NUP155: variants seen among roughly 807,000 people sequenced by gnomAD.
NUP155 encodes the protein nucleoporin 155.
Under a neutral mutation model 180.4 loss-of-function variants are expected in NUP155, and 71 were observed. The observed-to-expected ratio is 0.39, with a 90% CI of 0.33 to 0.48. The LOEUF (loss-of-function observed/expected upper bound fraction) is 0.48. Ranked by LOEUF, NUP155 falls within the 20% of genes least tolerant of loss-of-function variation. The pLI, the probability that NUP155 is intolerant of heterozygous loss-of-function variation, is 0.91. For missense variants in NUP155, 1,553 were observed against 1,648.9 expected, an observed-to-expected ratio of 0.94 and a Z score of 1.01; for synonymous variants, 582 against 559.5, an observed-to-expected ratio of 1.04 and a Z score of -0.57.
chr5:37,339,079 A>C (rs1745542252), intron 11 of NUP155, among the ~76,000 whole-genome samples: 1 of 152,100 alleles, frequency 6.6e-6, no homozygotes, highest in Admixed American at 6.6e-5. Flanking sequence ...TATAGAAGCA[A>C]TTATCTGGGC....
At chr5:37,339,227 G>C (rs1745552393) in intron 11 of NUP155, among the ~76,000 whole-genome samples, 1 of 150,362 alleles carries the variant, frequency 6.7e-6, no homozygotes, top group Admixed American at 6.7e-5. Flanking sequence ...CAGGAGGATT[G>C]CTTGAGCCGG....
At chr5:37,302,141 A>AC (rs1338658650) in intron 29 of NUP155, among the ~76,000 whole-genome samples, 1 of 152,232 alleles carries the variant, frequency 6.6e-6, no homozygotes, top group African/African-American at 2.4e-5. Flanking sequence ...AGCCTACTCT[A>AC]CTTCATACAT....
rs774178827 is a variant in NUP155 at position 37,294,341 on chromosome 5, C to G, written c.3918G>C (p.Leu1306Phe). The change falls in exon 33 of 35, where the codon TTG (leucine) becomes TTC (phenylalanine). Residue 1306 changes from leucine (L) to phenylalanine (F), a missense_variant. By Grantham distance (22) the Leu-to-Phe change is conservative (BLOSUM62 0). Coordinates refer to ENST00000231498, the MANE Select transcript of NUP155 (RefSeq NM_153485.3). ...LPRLLEVYDQ[L>F]FKSRDPFWNR... ...ATATTTTCCTTACCCGTGATTTGAA[C>G]AACTGATCATAAACTTCTAGTAGTC... 4 of 1,586,652 alleles carry G rather than the reference C, an allele frequency of 2.5e-6. No homozygotes were observed. In the Admixed American group the frequency reaches 6.8e-5, roughly 27 times the overall value.
chr5:37,324,498 C>CAT (rs935239893), intron 19 of NUP155, among the ~76,000 whole-genome samples: 15 of 151,468 alleles, frequency 9.9e-5, no homozygotes, highest in African/African-American at 1.5e-4. Flanking sequence ...TTTAGACTTC[C>CAT]ATATATATAT....
At chr5:37,367,180 G>C (rs217846) in intron 1 of NUP155, among the ~76,000 whole-genome samples, 1 of 151,730 alleles carries the variant, frequency 6.6e-6, no homozygotes, top group Non-Finnish European at 1.5e-5. Flanking sequence ...GAGTAGCTAG[G>C]ACTACAGTGT....
At chr5:37,317,822 G>A (rs1004283449) in intron 21 of NUP155, among the ~76,000 whole-genome samples, 166 bp downstream of exon 21, 6 of 151,592 alleles carry the variant, frequency 4.0e-5, no homozygotes, top group African/African-American at 1.5e-4. Context: ...CAAAGTGCTG[G>A]TATTACAGGT....
At chr5:37,304,508 T>C (rs549576847) in intron 27 of NUP155, among the ~76,000 whole-genome samples, 56 of 152,234 alleles carry the variant, frequency 3.7e-4, no homozygotes, top group Non-Finnish European at 6.3e-4. Context: ...AATCCAGTGA[T>C]TTCTACCCCG....
chr5:37,328,981 T>C (rs532347580), intron 16 of NUP155, among the ~76,000 whole-genome samples: 3 of 152,342 alleles, frequency 2.0e-5, no homozygotes, highest in Non-Finnish European at 2.9e-5. Context: ...GTTATGTAAA[T>C]ATGATTGGTT....
Position 37,337,798 on chromosome 5 carries a change from G to C in NUP155, c.1347+20C>G, listed in dbSNP as rs199687660. ...TTAAAATTATATAATAGTTTTTTCA[G>C]AATTGTCAGGATAACTTACCTGGGT... On this transcript the variant is annotated intron_variant, in intron 12 of 34. Coordinates refer to ENST00000231498, the MANE Select transcript of NUP155 (RefSeq NM_153485.3). 1 of 1,450,294 alleles carries C rather than the reference G, an allele frequency of 6.9e-7. No individual in the cohort carries two copies. The highest frequency in any genetic ancestry group is 9.7e-7 in the Non-Finnish European group (1 of 1,032,338). The allele number at this position is 1,450,294 out of a possible 1,614,324, so 89.8% of individuals were successfully genotyped here. A position where few individuals can be genotyped will look rare whatever the true frequency, so the allele number is the denominator to read the frequency against.
intron 21 of NUP155, among the ~76,000 whole-genome samples, chr5:37,315,777 T>C (rs2150953376): frequency 6.6e-6 from 1 of 152,162 alleles, no homozygotes; most frequent in South Asian, 2.1e-4. Context: ...ACCCCAACTA[T>C]ACTAAAAATA....
rs548765942 is a variant in NUP155 at position 37,342,794 on chromosome 5, T to C, written c.996-148A>G. ...CTCTGTCACCCAGGCTGGAGGAGAG[T>C]GGCGTGATCTCGGCTCACTGCAATC... On this transcript the variant is annotated intron_variant, in intron 9 of 34. Coordinates refer to ENST00000231498, the MANE Select transcript of NUP155 (RefSeq NM_153485.3). 7 of 624,562 alleles carry C rather than the reference T, an allele frequency of 1.1e-5. No homozygotes were observed. In the South Asian group the frequency reaches 1.2e-4, roughly 11 times the overall value. 38.7% of individuals were successfully genotyped at this position (624,562 alleles called of 1,614,324 possible).
intron 12 of NUP155, among the ~76,000 whole-genome samples, chr5:37,337,502 T>C (rs1745408695): frequency 1.3e-5 from 2 of 152,094 alleles, no homozygotes; most frequent in African/African-American, 2.4e-5. Flanking sequence ...GTAAAGATCA[T>C]TTCATATGAA....
At position 37,309,196 on chromosome 5, in the gene NUP155, T is replaced by C. The variant is rs772703787; in HGVS notation, c.2700A>G (p.Ser900=). The change falls in exon 24 of 35, where the codon TCA becomes TCG. Residue 900 remains serine (S), a synonymous_variant. Transcript: ENST00000231498. ...KTEKERMLRE[S]LKEYQKISNQ... is the part of the protein sequence containing the mutation. Reference sequence around the variant, plus strand: ...TGCTAATTTTTTGATATTCCTTTAATGATTCCCTTAACATTCTTTCTTTTT... The same window carrying C: ...TGCTAATTTTTTGATATTCCTTTAACGATTCCCTTAACATTCTTTCTTTTT... 2 of 1,613,662 alleles carry C rather than the reference T, an allele frequency of 1.2e-6. No individual in the cohort carries two copies. The highest frequency in any genetic ancestry group is 8.5e-7 in the Non-Finnish European group (1 of 1,179,736).
chr5:37,317,211 G>A (rs1194296302), intron 21 of NUP155, among the ~76,000 whole-genome samples: 2 of 148,008 alleles, frequency 1.4e-5, no homozygotes, highest in Non-Finnish European at 3.0e-5. Context: ...AAATGGGGCT[G>A]GGCACGGTGG....
rs117782314 is a variant in NUP155, at chr5:37,318,239, T to G, written c.2208-154A>C. ...AGAAGGGCTGATGGCCAGAAAAAAT[T>G]TATGACACAGACTAAACAGATGCTA... On this transcript the variant is annotated intron_variant, in intron 20 of 34. Transcript: ENST00000231498. Among the ~76,000 whole-genome samples, 26 of 152,230 alleles carry G rather than the reference T, an allele frequency of 1.7e-4. No individual in the cohort carries two copies. In the East Asian group the frequency reaches 4.8e-3, roughly 28 times the overall value.
chr5:37,307,848 C>T (rs183148276), intron 24 of NUP155, among the ~76,000 whole-genome samples: 315 of 149,670 alleles, frequency 2.1e-3, no homozygotes, highest in African/African-American at 7.1e-3. Flanking sequence ...CTTGAACTAG[C>T]GAGGCAGAGG....
intron 31 of NUP155, 28 bp downstream of exon 31, chr5:37,299,420 G>A (rs1397375618): frequency 3.7e-6 from 6 of 1,613,282 alleles, no homozygotes; most frequent in Non-Finnish European, 4.2e-6. Context: ...CATAACGTAT[G>A]CTAACATACC....
At chr5:37,294,005 C>CAAAAAAAAAAAAAAAAAAAAAAAAAA (rs70976294) in intron 33 of NUP155, among the ~76,000 whole-genome samples, 22 of 37,256 alleles carry the variant, frequency 5.9e-4, no homozygotes, top group South Asian at 2.7e-3. Context: ...GACGCCGTCT[C>CAAAAAAAAAAAAAAAAAAAAAAAAAA]AAAAAAAAAA....
intron 28 of NUP155, among the ~76,000 whole-genome samples, 172 bp downstream of exon 28, chr5:37,303,088 A>G (rs1205095691): frequency 6.6e-6 from 1 of 152,160 alleles, no homozygotes; most frequent in Admixed American, 6.5e-5. Context: ...GAGATCCACA[A>G]TTTTAGACAA....
Sources: gnomAD v4.1 joint callset for allele counts (sites outside exome capture counted in the v4.1 genomes callset) on GRCh38, gnomAD v4.1.1 for gene constraint, MANE v1.5 for transcripts, NCBI Gene and HGNC (gene_info 2026-07-23, HGNC 2026-07-21) for gene names.